KCNH8: variants seen among roughly 807,000 people sequenced by gnomAD.
KCNH8 encodes the protein voltage-gated delayed rectifier potassium channel KCNH8.
Under a neutral mutation model 103.6 loss-of-function variants are expected in KCNH8, and 70 were observed. The ratio of observed to expected loss-of-function variants is 0.68; its 90% CI spans 0.56 to 0.82. The LOEUF (loss-of-function observed/expected upper bound fraction) is 0.82, where lower values mean the gene tolerates loss of function less well. KCNH8 is among the 40% of genes least tolerant of loss of function. The pLI, the probability that KCNH8 is intolerant of heterozygous loss-of-function variation, is 0.00. For synonymous variants in KCNH8, 498 were observed against 489.4 expected (o/e 1.02, Z -0.23); for missense variants, 1,217 against 1,329.9 (o/e 0.92, Z 1.32).
At chr3:19,450,820 C>T (rs185640151) in intron 9 of KCNH8, 6 of 293,602 alleles carry the variant, frequency 2.0e-5, no homozygotes, top group Admixed American at 4.9e-5. Flanking sequence ...CTCCTCTCTT[C>T]GCATAATCAC....
chr3:19,392,432 G>A (rs1311315560), intron 6 of KCNH8, among the ~76,000 whole-genome samples: 1 of 151,656 alleles, frequency 6.6e-6, no homozygotes, highest in East Asian at 1.9e-4. Flanking sequence ...ACCTAAATTC[G>A]TTATCCCTCT....
intron 6 of KCNH8, chr3:19,391,545 T>C (rs2066438224): frequency 6.6e-6 from 1 of 152,100 alleles, no homozygotes; most frequent in Admixed American, 6.6e-5. Flanking sequence ...TAGTTTTAAA[T>C]ATTAAACACA....
chr3:19,302,064 G>A (rs538971991), intron 3 of KCNH8, among the ~76,000 whole-genome samples: 5 of 152,058 alleles, frequency 3.3e-5, no homozygotes, highest in African/African-American at 1.2e-4. Context: ...TGGCGGTTCC[G>A]TTATGTAACT....
At position 19,495,051 on chromosome 3, in the gene KCNH8, G is replaced by A. The variant is rs573755818; in HGVS notation, c.2041-15312G>A. Among the ~76,000 whole-genome samples, 52 of 151,874 alleles carry A rather than the reference G, an allele frequency of 3.4e-4. 2 individuals carry two copies. In the South Asian group the frequency reaches 6.0e-3, roughly 18 times the overall value. Reference sequence around the variant, plus strand: ...GCCCACTTTTTTATGGGGTTGTTTCGTCTTTGCTTGTAAATTTGTGTAAGT... The same window carrying A: ...GCCCACTTTTTTATGGGGTTGTTTCATCTTTGCTTGTAAATTTGTGTAAGT... On this transcript the variant is annotated intron_variant, in intron 11 of 15. Transcript: ENST00000328405.
intron 5 of KCNH8, among the ~76,000 whole-genome samples, chr3:19,382,663 C>T (rs1343791498): frequency 6.6e-6 from 1 of 151,126 alleles, no homozygotes; most frequent in Non-Finnish European, 1.5e-5. Flanking sequence ...GTAGTAACAG[C>T]AGTAGTAATA....
At chr3:19,364,234 G>A (rs1431119425) in intron 5 of KCNH8, among the ~76,000 whole-genome samples, 3 of 151,896 alleles carry the variant, frequency 2.0e-5, no homozygotes, top group Admixed American at 6.6e-5. Context: ...TCATGCCCAC[G>A]CCTCCACAAC....
chr3:19,464,713 A>G (rs2067700784), intron 11 of KCNH8, among the ~76,000 whole-genome samples: 1 of 152,170 alleles, frequency 6.6e-6, no homozygotes, highest in African/African-American at 2.4e-5. Flanking sequence ...TAAAATGAGG[A>G]AAACGATCAG....
intron 1 of KCNH8, among the ~76,000 whole-genome samples, chr3:19,186,531 C>G (rs2063504148): frequency 3.9e-5 from 6 of 151,918 alleles, no homozygotes. Flanking sequence ...GCCCTGCCCT[C>G]ACATGATGTA....
intron 5 of KCNH8, among the ~76,000 whole-genome samples, chr3:19,367,598 A>G (rs979894691): frequency 1.3e-5 from 2 of 151,670 alleles, no homozygotes; most frequent in African/African-American, 4.8e-5. Flanking sequence ...ATTCCATCAT[A>G]TAATGCATAT....
chr3:19,521,615 G>A (rs1215323860), intron 15 of KCNH8, among the ~76,000 whole-genome samples: 1 of 151,824 alleles, frequency 6.6e-6, no homozygotes, highest in Non-Finnish European at 1.5e-5. Flanking sequence ...GAAAATGAAT[G>A]GACCTAAGAA....
At chr3:19,325,035 A>G (rs1307184846) in intron 3 of KCNH8, among the ~76,000 whole-genome samples, 6 of 152,108 alleles carry the variant, frequency 3.9e-5, no homozygotes, top group Non-Finnish European at 7.4e-5. Flanking sequence ...ATAAGACCAC[A>G]TGCTTACTTA....
intron 3 of KCNH8, among the ~76,000 whole-genome samples, chr3:19,317,296 A>G (rs775981519): frequency 1.3e-5 from 2 of 151,974 alleles, no homozygotes; most frequent in African/African-American, 2.4e-5. Flanking sequence ...TAGAATTCTT[A>G]TAAACTTGCT....
chr3:19,492,360 CAGAT>C (rs1559354546), intron 11 of KCNH8, among the ~76,000 whole-genome samples: 2 of 152,076 alleles, frequency 1.3e-5, no homozygotes, highest in African/African-American at 2.4e-5. Context: ...TATGTGGTGA[CAGAT>C]AGGAGTCTAG....
intron 1 of KCNH8, among the ~76,000 whole-genome samples, chr3:19,162,610 A>G (rs1234353487): frequency 5.3e-5 from 8 of 152,162 alleles, no homozygotes; most frequent in Admixed American, 2.6e-4. Flanking sequence ...ACTTAATATT[A>G]AAATGATTTA....
intron 2 of KCNH8, among the ~76,000 whole-genome samples, chr3:19,255,092 A>T (rs1449927303): frequency 6.6e-6 from 1 of 152,156 alleles, no homozygotes; most frequent in Non-Finnish European, 1.5e-5. Context: ...TAGAGTCCTT[A>T]TAGGAAGCAG....
intron 1 of KCNH8, among the ~76,000 whole-genome samples, chr3:19,231,089 G>T (rs143559258): frequency 1.3e-5 from 2 of 152,114 alleles, no homozygotes; most frequent in African/African-American, 4.8e-5. Context: ...GGGCTATTTT[G>T]CAATCAATAA....
intron 5 of KCNH8, among the ~76,000 whole-genome samples, chr3:19,375,700 A>T (rs1022842532): frequency 2.0e-4 from 30 of 151,954 alleles, no homozygotes; most frequent in Non-Finnish European, 4.1e-4. Flanking sequence ...TAGAGTTTCC[A>T]GTTTTTCTGT....
At chr3:19,246,916 CTGTT>C (rs1474379953) in intron 1 of KCNH8, among the ~76,000 whole-genome samples, 4 of 152,184 alleles carry the variant, frequency 2.6e-5, no homozygotes, top group Admixed American at 6.5e-5. Flanking sequence ...ATTTGTCTCT[CTGTT>C]TGTTTGTTTA....
rs965271524 is a variant in KCNH8, at chr3:19,452,891, A to T, written c.1825+1487A>T. Reference sequence around the variant, plus strand: ...TATCTATTTTTCTAATTTTAAAAAAACCCTGCACTCATATGTTTATCACAG... The same window carrying T: ...TATCTATTTTTCTAATTTTAAAAAATCCCTGCACTCATATGTTTATCACAG... On this transcript the variant is annotated intron_variant, in intron 10 of 15. Coordinates refer to ENST00000328405, the MANE Select transcript of KCNH8 (RefSeq NM_144633.3). Among the ~76,000 whole-genome samples the T allele has an allele frequency of 2.0e-4, 31 of 152,162 alleles. 1 individual carries two copies. Among genetic ancestry groups the T allele is most frequent in the African/African-American group, 7.5e-4 (31 of 41,452 alleles).
Sources: allele counts gnomAD v4.1 joint callset (sites outside exome capture counted in the v4.1 genomes callset), GRCh38; gene constraint gnomAD v4.1.1; transcripts MANE v1.5; gene names NCBI Gene and HGNC (gene_info 2026-07-23, HGNC 2026-07-21).